Variants in SLC7A11 observed in about 807,000 individuals in gnomAD.
SLC7A11 encodes cystine/glutamate transporter.
SLC7A11 carries 35 observed loss-of-function variants against 54.5 expected under a neutral mutation model. That is an observed-to-expected ratio of 0.64 (90% CI 0.49 to 0.85). SLC7A11 has a LOEUF of 0.85. SLC7A11 is among the 40% of genes least tolerant of loss of function. The probability of loss-of-function intolerance (pLI) is 0.00; values close to 1 mark genes in which losing one functional copy is unlikely to be tolerated. For synonymous variants in SLC7A11, 230 were observed against 225.2 expected (o/e 1.02, Z -0.19); for missense variants, 583 against 618.1 (o/e 0.94, Z 0.60).
intron 10 of SLC7A11, among the ~76,000 whole-genome samples, chr4:138,180,011 A>T (rs962280394): frequency 1.3e-5 from 2 of 151,570 alleles, no homozygotes; most frequent in East Asian, 3.9e-4. Flanking sequence ...CGTGAGGTCA[A>T]ATCAATCCAT....
chr4:138,229,938 T>C (rs1214605263), intron 3 of SLC7A11, among the ~76,000 whole-genome samples: 1 of 152,152 alleles, frequency 6.6e-6, no homozygotes, highest in Admixed American at 6.6e-5. Context: ...TTTTTAAATA[T>C]AATAATTGTG....
chr4:138,217,829 G>A (rs2148441747), intron 5 of SLC7A11, among the ~76,000 whole-genome samples: 1 of 152,330 alleles, frequency 6.6e-6, no homozygotes, highest in East Asian at 1.9e-4. Flanking sequence ...AGGCTGAATA[G>A]CCATAGAACA....
At chr4:138,198,499 T>C (rs1737194626) in intron 6 of SLC7A11, among the ~76,000 whole-genome samples, 1 of 152,196 alleles carries the variant, frequency 6.6e-6, no homozygotes, top group Non-Finnish European at 1.5e-5. Flanking sequence ...TTTCAAACCA[T>C]GAGGTGTAAT....
At chr4:138,235,968 C>G (rs1738197631) in intron 2 of SLC7A11, among the ~76,000 whole-genome samples, 1 of 152,060 alleles carries the variant, frequency 6.6e-6, no homozygotes, top group Admixed American at 6.5e-5. Flanking sequence ...TAAGAGAAAA[C>G]TTCAATATTT....
At chr4:138,198,949 G>A (rs1000423644) in intron 6 of SLC7A11, among the ~76,000 whole-genome samples, 2 of 152,066 alleles carry the variant, frequency 1.3e-5, no homozygotes, top group Non-Finnish European at 2.9e-5. Flanking sequence ...CAGATCTATA[G>A]CACATAAGTA....
intron 9 of SLC7A11, among the ~76,000 whole-genome samples, 172 bp downstream of exon 9, chr4:138,182,125 G>A (rs1412685240): frequency 6.6e-6 from 1 of 152,058 alleles, no homozygotes; most frequent in Non-Finnish European, 1.5e-5. Context: ...ATAGGCATCA[G>A]AAACATGGAG....
At chr4:138,237,701 ATATATATATATATATATATATATATAT>A (rs1738246495) in intron 1 of SLC7A11, among the ~76,000 whole-genome samples, 1 of 4,718 alleles carries the variant, frequency 2.1e-4, no homozygotes, top group Admixed American at 4.3e-3. Context: ...CCTAGCCAGA[ATATATATATATATATATATATATATAT>A]ATATATATAT....
intron 6 of SLC7A11, among the ~76,000 whole-genome samples, chr4:138,197,175 C>A (rs1737158008): frequency 6.6e-6 from 1 of 151,984 alleles, no homozygotes; most frequent in Admixed American, 6.6e-5. Flanking sequence ...GATTATATAT[C>A]CAACTATTTG....
At chr4:138,204,063 A>T (rs4453980) in intron 6 of SLC7A11, among the ~76,000 whole-genome samples, 3 of 151,714 alleles carry the variant, frequency 2.0e-5, no homozygotes, top group East Asian at 3.9e-4. Flanking sequence ...TCTCTGTTCT[A>T]CTCTTCTAGG....
At chr4:138,218,094 C>G (rs1193509951) in intron 5 of SLC7A11, among the ~76,000 whole-genome samples, 1 of 152,148 alleles carries the variant, frequency 6.6e-6, no homozygotes, top group Non-Finnish European at 1.5e-5. Context: ...CCCATACCCC[C>G]TAATTATCCT....
intron 10 of SLC7A11, among the ~76,000 whole-genome samples, chr4:138,180,249 G>T (rs901616899): frequency 1.3e-5 from 2 of 151,998 alleles, no homozygotes; most frequent in African/African-American, 4.8e-5. Flanking sequence ...TTCCTTTTTG[G>T]AATTGGCATT....
intron 3 of SLC7A11, among the ~76,000 whole-genome samples, chr4:138,225,896 G>A (rs75545053): frequency 3.3e-5 from 5 of 152,114 alleles, no homozygotes; most frequent in Middle Eastern, 3.4e-3. Flanking sequence ...GGATAAAAAC[G>A]AAAAGAGGCA....
chr4:138,206,707 A>G (rs12506333), intron 6 of SLC7A11, among the ~76,000 whole-genome samples: 137,763 of 151,732 alleles, frequency 0.91, 63,342 homozygotes, highest in Non-Finnish European at 0.98. Flanking sequence ...ATCTTTGGGC[A>G]AAATGTATTT....
intron 8 of SLC7A11, 44 bp from the exon 9 acceptor site, chr4:138,182,437 C>A: frequency 2.4e-6 from 3 of 1,229,530 alleles, no homozygotes; most frequent in East Asian, 4.7e-5. Context: ...TATGATTGAT[C>A]ATTTCAAAGG....
intron 6 of SLC7A11, among the ~76,000 whole-genome samples, chr4:138,209,143 T>C (rs1737481070): frequency 6.6e-6 from 1 of 152,054 alleles, no homozygotes; most frequent in Non-Finnish European, 1.5e-5. Flanking sequence ...TTAATACACA[T>C]TGGTATTTTC....
At chr4:138,195,498 C>A (rs1014895470) in intron 6 of SLC7A11, among the ~76,000 whole-genome samples, 1 of 152,216 alleles carries the variant, frequency 6.6e-6, no homozygotes, top group Non-Finnish European at 1.5e-5. Context: ...CTCACGGAAT[C>A]TAAAATTCAA....
In SLC7A11 at chr4:138,171,310, A is replaced by G. The variant is rs905505864; in HGVS notation, c.*646T>C. Reference sequence around the variant, plus strand: ...AATTCTCAAGGATTTTTACTTAAACATAACTCCTGGATGTGTCTCATAAAC... The same window carrying G: ...AATTCTCAAGGATTTTTACTTAAACGTAACTCCTGGATGTGTCTCATAAAC... On this transcript the variant is annotated 3_prime_UTR_variant, in exon 12 of 12. Transcript: ENST00000280612. 1 of 152,160 alleles carries G rather than the reference A, an allele frequency of 6.6e-6. No homozygotes were observed. Among genetic ancestry groups the G allele is most frequent in the Non-Finnish European group, 1.5e-5 (1 of 68,008 alleles). 9.4% of individuals were successfully genotyped at this position (152,160 alleles called of 1,614,324 possible).
In SLC7A11 at chr4:138,223,342, A is replaced by G; in HGVS notation, c.521-18T>C. 2 of 1,611,162 alleles carry G rather than the reference A, an allele frequency of 1.2e-6. No homozygotes were observed. Among genetic ancestry groups the G allele is most frequent in the Non-Finnish European group, 1.7e-6 (2 of 1,178,308 alleles). Reference sequence around the variant, plus strand: ...CACTACAGCTGCAAACAAATAGAGGAAGTTACAAAAGGTGAATTCTCACTG... The same window carrying G: ...CACTACAGCTGCAAACAAATAGAGGGAGTTACAAAAGGTGAATTCTCACTG... On this transcript the variant is annotated intron_variant, in intron 3 of 11. Transcript: ENST00000280612.
intron 2 of SLC7A11, 58 bp downstream of exon 2, chr4:138,236,267 G>T (rs1738202995): frequency 1.4e-6 from 2 of 1,432,692 alleles, no homozygotes; most frequent in African/African-American, 1.4e-5. Context: ...AATAATCAAG[G>T]TGATTCATAA....
Sources: gnomAD v4.1 joint callset for allele counts (sites outside exome capture counted in the v4.1 genomes callset) on GRCh38, gnomAD v4.1.1 for gene constraint, MANE v1.5 for transcripts, NCBI Gene and HGNC (gene_info 2026-07-23, HGNC 2026-07-21) for gene names.